Variants in GNA14 observed in about 807,000 individuals in gnomAD.
GNA14 encodes the protein G protein subunit alpha 14.
A neutral mutation model predicts 42.0 loss-of-function variants in GNA14; 50 were observed. That is an observed-to-expected ratio of 1.19 (90% CI 0.95 to 1.51). The LOEUF (loss-of-function observed/expected upper bound fraction) is 1.51. Ranked by LOEUF, GNA14 falls within the 40% of genes most tolerant of loss-of-function variation. The probability of loss-of-function intolerance (pLI) is 0.00; values close to 1 mark genes in which losing one functional copy is unlikely to be tolerated. For synonymous variants in GNA14, 173 were observed against 163.1 expected, an observed-to-expected ratio of 1.06 and a Z score of -0.46; for missense variants, 473 against 446.2, an observed-to-expected ratio of 1.06 and a Z score of -0.54.
chr9:77,604,812 C>T (rs1284994999), intron 1 of GNA14, among the ~76,000 whole-genome samples: 1 of 152,180 alleles, frequency 6.6e-6, no homozygotes, highest in Non-Finnish European at 1.5e-5. Flanking sequence ...ACGTAAACCC[C>T]GAAGATGCTA....
At chr9:77,454,449 TGGCTAAGTGCCA>T (rs1835965262) in intron 2 of GNA14, among the ~76,000 whole-genome samples, 1 of 152,190 alleles carries the variant, frequency 6.6e-6, no homozygotes, top group African/African-American at 2.4e-5. Context: ...TGCTCTCCTG[TGGCTAAGTGCCA>T]GGCCACTCAG....
At chr9:77,607,779 CACTGGCCTTCTT>C (rs1176503064) in intron 1 of GNA14, among the ~76,000 whole-genome samples, 2 of 152,244 alleles carry the variant, frequency 1.3e-5, no homozygotes, top group African/African-American at 4.8e-5. Context: ...GGCTTGCAGG[CACTGGCCTTCTT>C]ACTGTGTCCT....
chr9:77,468,974 A>C (rs1373528133), intron 2 of GNA14, among the ~76,000 whole-genome samples: 2 of 152,218 alleles, frequency 1.3e-5, no homozygotes, highest in East Asian at 3.9e-4. Context: ...ATTTTTGTGA[A>C]TTTCAGCAGC....
chr9:77,518,101 T>A (rs1043924334), intron 2 of GNA14: 12 of 152,146 alleles, frequency 7.9e-5, no homozygotes, highest in African/African-American at 2.9e-4. Context: ...CTTCTGAAGG[T>A]AGGTTACTCA....
chr9:77,453,768 C>G (rs1208218166), intron 2 of GNA14, among the ~76,000 whole-genome samples: 1 of 152,206 alleles, frequency 6.6e-6, no homozygotes, highest in Non-Finnish European at 1.5e-5. Context: ...ACAAATACAG[C>G]AACATGGAGT....
intron 1 of GNA14, among the ~76,000 whole-genome samples, chr9:77,612,461 G>A (rs1823749309): frequency 1.3e-5 from 2 of 152,116 alleles, no homozygotes; most frequent in Admixed American, 6.6e-5. Context: ...GGGCTCTCAT[G>A]CTCTGTGAGT....
intron 1 of GNA14, among the ~76,000 whole-genome samples, chr9:77,619,447 C>T (rs1823887950): frequency 6.6e-6 from 1 of 152,106 alleles, no homozygotes; most frequent in Non-Finnish European, 1.5e-5. Flanking sequence ...GTGATCCACC[C>T]TGCTCAGCCT....
chr9:77,427,095 A>AT (rs1564010500), intron 5 of GNA14, among the ~76,000 whole-genome samples: 4 of 152,222 alleles, frequency 2.6e-5, no homozygotes, highest in South Asian at 2.1e-4. Context: ...GATATAATAC[A>AT]TATCTACAAC....
intron 1 of GNA14, among the ~76,000 whole-genome samples, chr9:77,625,364 C>A (rs1367519465): frequency 1.3e-5 from 2 of 152,086 alleles, no homozygotes; most frequent in Non-Finnish European, 2.9e-5. Flanking sequence ...CCTAGCAAGA[C>A]AGGCCAACAT....
Position 77,632,786 on chromosome 9 carries a change from A to C in GNA14, c.124+14884T>G, listed in dbSNP as rs190095736. Among the ~76,000 whole-genome samples the C allele has an allele frequency of 1.2e-3, 186 of 152,090 alleles. 1 individual carries two copies. The highest frequency in any genetic ancestry group is 1.9e-3 in the Non-Finnish European group (130 of 67,990). On this transcript the variant is annotated intron_variant, in intron 1 of 6. Coordinates refer to ENST00000341700, the MANE Select transcript of GNA14 (RefSeq NM_004297.4). ...CCTGCTACAGCAAAAGGCATGTCTGACTCTGCACAGTGGCCGGACCCCATG... is the reference window on the plus strand; with the variant it reads ...CCTGCTACAGCAAAAGGCATGTCTGCCTCTGCACAGTGGCCGGACCCCATG...
chr9:77,494,213 C>G (rs910835890), intron 2 of GNA14, among the ~76,000 whole-genome samples: 1 of 152,154 alleles, frequency 6.6e-6, no homozygotes, highest in Admixed American at 6.5e-5. Flanking sequence ...AGCCACCGTG[C>G]CCGGCCAAAA....
chr9:77,603,956 C>CAAAAA (rs67044542), intron 1 of GNA14, among the ~76,000 whole-genome samples: 14 of 81,604 alleles, frequency 1.7e-4, no homozygotes, highest in Admixed American at 3.7e-4. Flanking sequence ...AAAAAAAAAA[C>CAAAAA]AAAAAAAAAA....
chr9:77,439,849 G>A (rs1406287010), intron 2 of GNA14, among the ~76,000 whole-genome samples: 1 of 152,128 alleles, frequency 6.6e-6, no homozygotes, highest in African/African-American at 2.4e-5. Flanking sequence ...AGAGGACAAA[G>A]AGTCGGAAGA....
intron 2 of GNA14, among the ~76,000 whole-genome samples, chr9:77,512,385 T>C (rs1837186449): frequency 6.6e-6 from 1 of 152,230 alleles, no homozygotes; most frequent in South Asian, 2.1e-4. Context: ...GGGTTTTTTA[T>C]GTTTAATGTT....
rs369140358 is a variant in GNA14, at chr9:77,580,351, C to T, written c.125-51098G>A. On this transcript the variant is annotated intron_variant, in intron 1 of 6. Coordinates refer to ENST00000341700, the MANE Select transcript of GNA14 (RefSeq NM_004297.4). ...CGAATAGGTACAATTTACATTGACG[C>T]GTCATGCCTTAGGTGGGAAGGACAG... 2.5e-3 allele frequency: 848 copies of T among 337,426 alleles called. 6 individuals are homozygous for T. The highest frequency in any genetic ancestry group is 0.013 in the South Asian group (431 of 32,498). The allele number at this position is 337,426 out of a possible 1,614,324, so 20.9% of individuals were successfully genotyped here.
intron 1 of GNA14, among the ~76,000 whole-genome samples, chr9:77,590,554 G>C (rs1823374580): frequency 6.6e-6 from 1 of 152,092 alleles, no homozygotes; most frequent in Non-Finnish European, 1.5e-5. Context: ...CTTTCCTGCT[G>C]TCCCCCACAT....
chr9:77,506,574 G>A (rs1418587464), intron 2 of GNA14, among the ~76,000 whole-genome samples: 2 of 152,072 alleles, frequency 1.3e-5, no homozygotes, highest in South Asian at 2.1e-4. Flanking sequence ...CTACTTGGGA[G>A]GCTGAAGCAG....
chr9:77,588,110 T>C (rs367942908), intron 1 of GNA14, among the ~76,000 whole-genome samples: 1 of 152,134 alleles, frequency 6.6e-6, no homozygotes, highest in East Asian at 1.9e-4. Flanking sequence ...TTGTATTACA[T>C]TGGTTCTACC....
rs60357367 is a variant in GNA14, at chr9:77,428,172, G to A, written c.723+735C>T. On this transcript the variant is annotated intron_variant, in intron 5 of 6. Coordinates refer to ENST00000341700, the MANE Select transcript of GNA14 (RefSeq NM_004297.4). ...CGGCTCACTGCAAGCTCCGCCTCCCGGGTTCACGCCATTCTCCTGCCTCAG... is the reference window on the plus strand; with the variant it reads ...CGGCTCACTGCAAGCTCCGCCTCCCAGGTTCACGCCATTCTCCTGCCTCAG... 1.1e-3 allele frequency among the ~76,000 whole-genome samples: 157 copies of A among 147,932 alleles called. 1 individual carries two copies. The highest frequency in any genetic ancestry group is 3.6e-3 in the African/African-American group (143 of 39,710).
Sources: allele counts gnomAD v4.1 joint callset (sites outside exome capture counted in the v4.1 genomes callset), GRCh38; gene constraint gnomAD v4.1.1; transcripts MANE v1.5; gene names NCBI Gene and HGNC (gene_info 2026-07-23, HGNC 2026-07-21).